BAZ2B: variants seen among roughly 807,000 people sequenced by gnomAD.
The protein encoded by BAZ2B is bromodomain adjacent to zinc finger domain protein 2B.
BAZ2B carries 91 observed loss-of-function variants against 246.0 expected under a neutral mutation model. The observed-to-expected ratio is 0.37, with a 90% CI of 0.31 to 0.44. BAZ2B has a LOEUF of 0.44. BAZ2B is among the 20% of genes least tolerant of loss of function. The pLI is 1.00. For synonymous variants in BAZ2B, 855 were observed against 860.0 expected, an observed-to-expected ratio of 0.99 and a Z score of 0.10; for missense variants, 2,332 against 2,533.7, an observed-to-expected ratio of 0.92 and a Z score of 1.71.
rs777613134 is a variant in BAZ2B, at chr2:159,349,109, C to G, written c.5035G>C (p.Glu1679Gln). The change falls in exon 29 of 37, where the codon GAA becomes CAA. Residue 1679 changes from glutamate (E) to glutamine (Q), a missense_variant. Physicochemically the swap from Glu to Gln is conservative, Grantham distance 29. This residue lies in a region of BAZ2B where 676 missense variants were observed against 668.6 expected (regional missense o/e 1.01). Coordinates refer to ENST00000392783, the MANE Select transcript of BAZ2B (RefSeq NM_013450.4). ...TTTTCATTCTGTGGTACTGGAGATT[C>G]ACTTTTACTTGAAGCAACATTGGAA... is the stretch of plus-strand genomic sequence containing the variant. ...LTSNVASSKSESPVPQNEKAT... is the reference protein window; with the variant it reads ...LTSNVASSKSQSPVPQNEKAT... 4 of 1,614,052 alleles carry G rather than the reference C, an allele frequency of 2.5e-6. No homozygotes were observed. The East Asian group carries it at 6.7e-5, about 27-fold the overall frequency.
intron 27 of BAZ2B, among the ~76,000 whole-genome samples, chr2:159,357,388 T>C (rs1022488311): frequency 9.2e-5 from 14 of 151,754 alleles, no homozygotes; most frequent in African/African-American, 3.4e-4. Flanking sequence ...GAATATCAAC[T>C]TAATGAAATA....
chr2:159,455,688 A>G (rs2075645680), intron 3 of BAZ2B, among the ~76,000 whole-genome samples: 1 of 150,738 alleles, frequency 6.6e-6, no homozygotes, highest in South Asian at 2.1e-4. Context: ...AATAAAACAG[A>G]GTATGCTACT....
At chr2:159,338,455 G>C (rs968128491) in intron 31 of BAZ2B, among the ~76,000 whole-genome samples, 8 of 152,100 alleles carry the variant, frequency 5.3e-5, no homozygotes, top group Admixed American at 5.2e-4. Context: ...TAAATTCCAT[G>C]AGAGCAGGGA....
chr2:159,345,707 T>C (rs2067666256), intron 31 of BAZ2B, among the ~76,000 whole-genome samples: 1 of 151,894 alleles, frequency 6.6e-6, no homozygotes, highest in Non-Finnish European at 1.5e-5. Context: ...TGGAGGAAAA[T>C]AGGGCTTATG....
chr2:159,648,823 G>A, the BAZ2B span, among the ~76,000 whole-genome samples: 1 of 151,800 alleles, frequency 6.6e-6, no homozygotes, highest in African/African-American at 2.4e-5. Context: ...ACATCTCCTG[G>A]GTATATACCA....
intron 1 of BAZ2B, among the ~76,000 whole-genome samples, chr2:159,568,591 A>G (rs1683193808): frequency 6.6e-6 from 1 of 152,324 alleles, no homozygotes; most frequent in East Asian, 1.9e-4. Context: ...TGGAACTTTA[A>G]AAGTAATACT....
At chr2:159,356,023 C>T (rs1290523006) in intron 27 of BAZ2B, among the ~76,000 whole-genome samples, 1 of 152,208 alleles carries the variant, frequency 6.6e-6, no homozygotes, top group African/African-American at 2.4e-5. Context: ...GGTGCCTATG[C>T]CACCAGGGTC....
At chr2:159,554,244 A>T (rs4664288) in intron 2 of BAZ2B, among the ~76,000 whole-genome samples, 110,204 of 151,880 alleles carry the variant, frequency 0.73, 40,254 homozygotes, top group Admixed American at 0.76. Flanking sequence ...GGGAAAAAAA[A>T]TTTAAATAAA....
At chr2:159,352,073 C>T (rs1559071285) in intron 27 of BAZ2B, among the ~76,000 whole-genome samples, 1 of 152,188 alleles carries the variant, frequency 6.6e-6, no homozygotes, top group Admixed American at 6.5e-5. Context: ...TAACCAAGGC[C>T]TACAACATTC....
At chr2:159,501,910 C>A (rs2081888741) in intron 2 of BAZ2B, among the ~76,000 whole-genome samples, 1 of 151,962 alleles carries the variant, frequency 6.6e-6, no homozygotes, top group Non-Finnish European at 1.5e-5. Context: ...ATAATAGCCC[C>A]AAAGCAAATA....
chr2:159,636,525 G>A, the BAZ2B span, among the ~76,000 whole-genome samples: 8 of 152,086 alleles, frequency 5.3e-5, no homozygotes, highest in African/African-American at 1.9e-4. Flanking sequence ...ATCACTCATC[G>A]CGGTGGTCAG....
chr2:159,428,382 G>GC lies in BAZ2B; in HGVS notation c.2292dup (p.Arg765AlafsTer17). 6.2e-7 allele frequency: 1 copy of GC among 1,613,068 alleles called. No homozygotes were observed. Among genetic ancestry groups the GC allele is most frequent in the Non-Finnish European group, 8.5e-7 (1 of 1,179,570 alleles). ...TAATATGCTACTTCTCCTTGAAGGC[G>GC]CCCTCCAAAGTTTCTTATTCTTGTC... is the stretch of plus-strand genomic sequence containing the variant. On this transcript the variant is annotated frameshift_variant, in exon 12 of 37. Transcript: ENST00000392783. LOFTEE classifies it high-confidence loss of function.
chr2:159,480,249 T>G (rs2079084237), intron 2 of BAZ2B, among the ~76,000 whole-genome samples: 1 of 151,816 alleles, frequency 6.6e-6, no homozygotes, highest in Non-Finnish European at 1.5e-5. Flanking sequence ...ATATACTATG[T>G]AAAAAAAATA....
intron 16 of BAZ2B, among the ~76,000 whole-genome samples, chr2:159,403,909 C>A (rs1046684936): frequency 6.6e-6 from 1 of 152,078 alleles, no homozygotes; most frequent in Non-Finnish European, 1.5e-5. Context: ...AGTAGCAGAG[C>A]CCATATTTAA....
intron 27 of BAZ2B, among the ~76,000 whole-genome samples, chr2:159,358,296 C>G (rs1182424326): frequency 6.6e-6 from 1 of 151,736 alleles, no homozygotes; most frequent in Non-Finnish European, 1.5e-5. Context: ...AAAGCAAAAA[C>G]AGAAGGGGTT....
At chr2:159,364,477 C>T (rs966608632) in intron 27 of BAZ2B, among the ~76,000 whole-genome samples, 5 of 152,080 alleles carry the variant, frequency 3.3e-5, no homozygotes, top group Non-Finnish European at 5.9e-5. Context: ...ACTGCAGCCT[C>T]GAACTCCTGT....
intron 6 of BAZ2B, among the ~76,000 whole-genome samples, chr2:159,446,374 G>C (rs545701961): frequency 3.9e-4 from 60 of 152,276 alleles, no homozygotes; most frequent in Non-Finnish European, 7.4e-4. Context: ...TTGTATATTT[G>C]AAAGTTTCCA....
At chr2:159,388,742 A>T (rs558120558) in intron 21 of BAZ2B, among the ~76,000 whole-genome samples, 10 of 152,224 alleles carry the variant, frequency 6.6e-5, no homozygotes, top group African/African-American at 9.6e-5. Context: ...GAGGTCACAG[A>T]TTATAAATCC....
the BAZ2B span, among the ~76,000 whole-genome samples, chr2:159,701,814 C>T: frequency 6.6e-6 from 1 of 151,710 alleles, no homozygotes; most frequent in Admixed American, 6.6e-5. Context: ...CTGCAACCTC[C>T]ACCTCCCAGG....
Sources: gnomAD v4.1 joint callset for allele counts (sites outside exome capture counted in the v4.1 genomes callset) on GRCh38, gnomAD v4.1.1 for gene constraint, gnomAD v4.1.1 regional missense constraint, MANE v1.5 for transcripts, NCBI Gene and HGNC (gene_info 2026-07-23, HGNC 2026-07-21) for gene names.